Variants in CRIM1 observed in about 807,000 individuals in gnomAD.
CRIM1 encodes cysteine rich transmembrane BMP regulator 1, also known as cysteine-rich motor neuron 1 protein.
CRIM1 carries 32 observed loss-of-function variants against 116.4 expected under a neutral mutation model. The ratio of observed to expected loss-of-function variants is 0.27; its 90% confidence interval spans 0.21 to 0.37. CRIM1 has a LOEUF of 0.37. Among genes scored for constraint, CRIM1 ranks in the 10% least tolerant of loss-of-function variants. The probability of loss-of-function intolerance (pLI) is 1.00; values close to 1 mark genes in which losing one functional copy is unlikely to be tolerated. For missense variants in CRIM1, 1,331 were observed against 1,354.8 expected, an observed-to-expected ratio of 0.98 and a Z score of 0.28; for synonymous variants, 590 against 509.2, an observed-to-expected ratio of 1.16 and a Z score of -2.13.
chr2:36,420,221 A>G (rs1572691674), intron 2 of CRIM1, among the ~76,000 whole-genome samples: 1 of 152,116 alleles, frequency 6.6e-6, no homozygotes, highest in Non-Finnish European at 1.5e-5. Context: ...CAAATCTCCT[A>G]TTTTTGAGAA....
chr2:36,510,196 C>T, intron 9 of CRIM1, 57 bp downstream of exon 9: 1 of 1,515,248 alleles, frequency 6.6e-7, no homozygotes, highest in Non-Finnish European at 9.1e-7. Context: ...TGAAATGTTT[C>T]TACACATTTT....
chr2:36,357,875 A>G (rs897179523), intron 1 of CRIM1, among the ~76,000 whole-genome samples: 3 of 152,226 alleles, frequency 2.0e-5, no homozygotes, highest in Admixed American at 2.0e-4. Context: ...GTATGCTGGG[A>G]TACTGAAAAA....
intron 1 of CRIM1, among the ~76,000 whole-genome samples, chr2:36,362,046 A>G (rs912826745): frequency 6.6e-6 from 1 of 152,064 alleles, no homozygotes; most frequent in Non-Finnish European, 1.5e-5. Flanking sequence ...TGCTGGGGTG[A>G]GGGGGAAACT....
chr2:36,547,282 C>A, intron 16 of CRIM1, 111 bp downstream of exon 16: 1 of 807,908 alleles, frequency 1.2e-6, no homozygotes. Flanking sequence ...TTACTTTGCT[C>A]TTCATAGCCT....
chr2:36,453,502 C>T lies in CRIM1; in HGVS notation c.869+10767C>T, dbSNP rs566830571. 1.3e-4 allele frequency among the ~76,000 whole-genome samples: 20 copies of T among 152,234 alleles called. 1 individual carries two copies. The South Asian group carries it at 2.7e-3, about 21-fold the overall frequency. On this transcript the variant is annotated intron_variant, in intron 4 of 16. Coordinates refer to ENST00000280527, the MANE Select transcript of CRIM1 (RefSeq NM_016441.3). ...ATTTCATTCTCATCAGTACCTAGCA[C>T]GGGTAAGTAATGAATGCTTTTAACT...
chr2:36,404,828 G>T (rs1672669781), intron 2 of CRIM1, among the ~76,000 whole-genome samples: 1 of 152,086 alleles, frequency 6.6e-6, no homozygotes, highest in Admixed American at 6.6e-5. Context: ...AGTTGCCTCA[G>T]ATCATTAACT....
intron 13 of CRIM1, among the ~76,000 whole-genome samples, chr2:36,522,733 C>T (rs555609695): frequency 1.3e-4 from 18 of 143,020 alleles, no homozygotes; most frequent in African/African-American, 3.9e-4. Flanking sequence ...ACACGGGAGG[C>T]GGAGGTTACA....
chr2:36,414,543 T>C (rs1381760091), intron 2 of CRIM1, among the ~76,000 whole-genome samples: 2 of 152,300 alleles, frequency 1.3e-5, no homozygotes, highest in East Asian at 3.9e-4. Flanking sequence ...AATAAAATTA[T>C]GTGATTGCTG....
chr2:36,417,369 T>C (rs997147098), intron 2 of CRIM1, among the ~76,000 whole-genome samples: 1 of 152,244 alleles, frequency 6.6e-6, no homozygotes, highest in Non-Finnish European at 1.5e-5. Flanking sequence ...TATTAACATA[T>C]TTCAATTTTT....
chr2:36,398,900 A>G (rs1022430667), intron 2 of CRIM1, among the ~76,000 whole-genome samples: 3 of 152,246 alleles, frequency 2.0e-5, no homozygotes, highest in African/African-American at 7.2e-5. Context: ...ATAGTGACAG[A>G]GACTTGGAAT....
chr2:36,495,475 ATTTTTTTTTT>A (rs1024205619), intron 7 of CRIM1, among the ~76,000 whole-genome samples: 1 of 129,644 alleles, frequency 7.7e-6, no homozygotes, highest in Non-Finnish European at 1.7e-5. Flanking sequence ...TTATTTATTT[ATTTTTTTTTT>A]TTTTTTTTTT....
At chr2:36,475,564 T>G (rs1244376593) in intron 5 of CRIM1, among the ~76,000 whole-genome samples, 1 of 152,178 alleles carries the variant, frequency 6.6e-6, no homozygotes, top group Non-Finnish European at 1.5e-5. Flanking sequence ...TCTGGATGCT[T>G]TTAATTTATT....
intron 12 of CRIM1, among the ~76,000 whole-genome samples, chr2:36,520,034 G>A (rs1665279087): frequency 6.6e-6 from 1 of 152,282 alleles, no homozygotes; most frequent in South Asian, 2.1e-4. Context: ...CAGGAAAAAT[G>A]AGAAAAGAGG....
chr2:36,465,679 G>A (rs959079662), intron 5 of CRIM1, among the ~76,000 whole-genome samples: 2 of 152,088 alleles, frequency 1.3e-5, no homozygotes, highest in Non-Finnish European at 2.9e-5. Flanking sequence ...TGGCTTTATG[G>A]TTAAGAAAGA....
At chr2:36,440,609 A>G (rs1174205310) in intron 2 of CRIM1, among the ~76,000 whole-genome samples, 1 of 152,222 alleles carries the variant, frequency 6.6e-6, no homozygotes, top group African/African-American at 2.4e-5. Context: ...GGCAGATAAT[A>G]TTAGACAGAG....
At chr2:36,503,408 T>C (rs1404976464) in intron 8 of CRIM1, among the ~76,000 whole-genome samples, 1 of 149,418 alleles carries the variant, frequency 6.7e-6, no homozygotes, top group Non-Finnish European at 1.5e-5. Flanking sequence ...GAGGACTAAA[T>C]AAATGAATGA....
In CRIM1 at chr2:36,531,879, AAAG is replaced by A. The variant is rs558213527; in HGVS notation, c.2429-5468_2429-5466del. 7.1e-4 allele frequency: 333 copies of A among 470,338 alleles called. 1 individual carries two copies. Among genetic ancestry groups the A allele is most frequent in the African/African-American group, 6.0e-3 (299 of 50,160 alleles). The allele number at this position is 470,338 out of a possible 1,614,324, so 29.1% of individuals were successfully genotyped here. A position where few individuals can be genotyped will look rare whatever the true frequency, so the allele number is the denominator to read the frequency against. Reference sequence around the variant, plus strand: ...TTGCTCATATCTGAATCCCAAAAGAAAAGAAGATGTTTGTCTGAGCATCCCATG... The same window carrying A: ...TTGCTCATATCTGAATCCCAAAAGAAAAGATGTTTGTCTGAGCATCCCATG... On this transcript the variant is annotated intron_variant, in intron 13 of 16. Transcript: ENST00000280527.
At chr2:36,513,500 C>A (rs2293254) in intron 10 of CRIM1, 56 bp from the exon 11 acceptor site, 3 of 1,409,820 alleles carry the variant, frequency 2.1e-6, no homozygotes, top group East Asian at 4.6e-5. Flanking sequence ...GACTCTGTAG[C>A]CTGTTTCTCC....
intron 4 of CRIM1, among the ~76,000 whole-genome samples, chr2:36,450,000 A>G (rs2124964672): frequency 6.6e-6 from 1 of 152,230 alleles, no homozygotes; most frequent in Non-Finnish European, 1.5e-5. Context: ...AAAATAGATT[A>G]CGTATTTGGT....
Sources: allele counts gnomAD v4.1 joint callset (sites outside exome capture counted in the v4.1 genomes callset), GRCh38; gene constraint gnomAD v4.1.1; transcripts MANE v1.5; gene names NCBI Gene and HGNC (gene_info 2026-07-23, HGNC 2026-07-21).